NDUFAF6: variants seen among roughly 807,000 people sequenced by gnomAD.
NDUFAF6 encodes the protein NADH dehydrogenase (ubiquinone) complex I, assembly factor 6.
Under a neutral mutation model 40.8 loss-of-function variants are expected in NDUFAF6, and 45 were observed. The ratio of observed to expected loss-of-function variants is 1.10; its 90% CI spans 0.87 to 1.42. The LOEUF is 1.42. Ranked by LOEUF, NDUFAF6 falls within the 40% of genes most tolerant of loss-of-function variation. NDUFAF6 has a pLI of 0.00. For missense variants in NDUFAF6, 435 were observed against 418.5 expected, an observed-to-expected ratio of 1.04 and a Z score of -0.34; for synonymous variants, 185 against 155.9, an observed-to-expected ratio of 1.19 and a Z score of -1.39.
At chr8:95,031,005 T>C (rs770110667) in intron 1 of NDUFAF6, among the ~76,000 whole-genome samples, 1 of 152,180 alleles carries the variant, frequency 6.6e-6, no homozygotes, top group Non-Finnish European at 1.5e-5. Context: ...ATACACTCAC[T>C]TATCCCCAAG....
chr8:94,996,743 G>T (rs907175547), intron 2 of NDUFAF6, among the ~76,000 whole-genome samples: 14 of 152,140 alleles, frequency 9.2e-5, no homozygotes, highest in African/African-American at 3.1e-4. Context: ...CTTCATAGAG[G>T]TAAGTAAGCT....
chr8:95,044,577 C>T (rs2599713), intron 4 of NDUFAF6: 114,162 of 151,406 alleles, frequency 0.75, 43,583 homozygotes, highest in East Asian at 0.94. Context: ...CTCAGCTTCC[C>T]GAGTAGCTGG....
rs181695581 is a variant in NDUFAF6, at chr8:94,991,560, A to G, written c.-84+10587A>G. Among the ~76,000 whole-genome samples, 275 of 152,334 alleles carry G rather than the reference A, an allele frequency of 1.8e-3. No individual in the cohort carries two copies. In the Middle Eastern group the frequency reaches 0.02, roughly 11 times the overall value. On this transcript the variant is annotated intron_variant, in intron 2 of 9. Coordinates refer to the NDUFAF6 transcript ENST00000396111. The stretch of plus-strand genomic sequence containing the variant: ...AATCAGCTTATGTATGTAAATGAGA[A>G]CATAATCTAGAATAATCCCATACCT...
At chr8:95,071,581 C>T (rs1232065055) in intron 9 of NDUFAF6, among the ~76,000 whole-genome samples, 1 of 152,130 alleles carries the variant, frequency 6.6e-6, no homozygotes, top group Admixed American at 6.5e-5. Flanking sequence ...TTGCAGCTTC[C>T]CTGAGGGCTT....
intron 1 of NDUFAF6, chr8:94,930,383 T>C (rs957968524): frequency 1.1e-5 from 16 of 1,501,606 alleles, no homozygotes; most frequent in South Asian, 3.9e-5. Context: ...TGGTTATCAA[T>C]TGGTTGTAAA....
chr8:95,083,755 T>C (rs910741181), intron 2 of NDUFAF6, among the ~76,000 whole-genome samples: 1 of 152,224 alleles, frequency 6.6e-6, no homozygotes, highest in African/African-American at 2.4e-5. Flanking sequence ...TCATAGGTGG[T>C]ATTTCTAAAT....
chr8:94,999,628 G>T (rs565787927), intron 2 of NDUFAF6, among the ~76,000 whole-genome samples: 3 of 150,452 alleles, frequency 2.0e-5, no homozygotes, highest in Non-Finnish European at 4.4e-5. Flanking sequence ...TGTTGGCCAG[G>T]CTGGTCTCGA....
chr8:94,915,416 C>T (rs1819064708), intron 1 of NDUFAF6, among the ~76,000 whole-genome samples: 1 of 152,154 alleles, frequency 6.6e-6, no homozygotes, highest in East Asian at 1.9e-4. Context: ...TTTGTTATGG[C>T]TGTGTAGTGT....
In NDUFAF6 at chr8:94,998,039, TCTC is replaced by T. The variant is rs567846049; in HGVS notation, c.-84+17069_-84+17071del. 1.0e-3 allele frequency among the ~76,000 whole-genome samples: 153 copies of T among 152,290 alleles called. 1 individual carries two copies. The Middle Eastern group carries it at 0.014, about 14-fold the overall frequency. ...CTCTTGAGTTAGAGGGAATGCATCT[TCTC>T]CTTCTTGCTCTCAATCGGAGAAAGA... On this transcript the variant is annotated intron_variant, in intron 2 of 9. Coordinates refer to the NDUFAF6 transcript ENST00000396111.
At position 95,069,663 on chromosome 8, in the gene NDUFAF6, C is replaced by T. The variant is rs1832787373; in HGVS notation, c.*512-5970C>T. On this transcript the variant is annotated intron_variant and NMD_transcript_variant, in intron 9 of 9. Coordinates refer to the NDUFAF6 transcript ENST00000520757. ...GGCATGGTGATGGGCGCCTATAATC[C>T]CAGCTACTCGGGAGGCTGAGTCATG... 2.0e-5 allele frequency among the ~76,000 whole-genome samples: 3 copies of T among 150,380 alleles called. No individual in the cohort carries two copies. The South Asian group carries it at 6.3e-4, about 32-fold the overall frequency.
intron 4 of NDUFAF6, among the ~76,000 whole-genome samples, chr8:95,043,354 G>C (rs1345432361): frequency 1.3e-5 from 2 of 151,952 alleles, no homozygotes; most frequent in Non-Finnish European, 2.9e-5. Flanking sequence ...CTCCCGAAGT[G>C]CTGGGATTAC....
At chr8:94,905,730 C>T (rs4735331) in intron 1 of NDUFAF6, among the ~76,000 whole-genome samples, 93,115 of 152,008 alleles carry the variant, frequency 0.61, 29,436 homozygotes, top group East Asian at 0.79. Flanking sequence ...TGGTCCTGCT[C>T]ATAGTGGTTC....
chr8:95,014,459 A>G (rs1827357486), intron 2 of NDUFAF6, among the ~76,000 whole-genome samples: 1 of 152,174 alleles, frequency 6.6e-6, no homozygotes, highest in Non-Finnish European at 1.5e-5. Context: ...CCATGTTGTG[A>G]CCTGTGGCCA....
At chr8:94,971,404 TGCCTCTGCCCA>T (rs1448069558) in intron 1 of NDUFAF6, among the ~76,000 whole-genome samples, 3 of 152,180 alleles carry the variant, frequency 2.0e-5, no homozygotes, top group Non-Finnish European at 4.4e-5. Context: ...GGTGTAACAG[TGCCTCTGCCCA>T]GCCTCTGCTC....
Position 95,070,002 on chromosome 8 carries a change from G to A in NDUFAF6, c.*512-5631G>A, listed in dbSNP as rs180862610. Among the ~76,000 whole-genome samples the A allele has an allele frequency of 3.3e-3, 507 of 151,648 alleles. 4 individuals carry two copies. Among genetic ancestry groups the A allele is most frequent in the African/African-American group, 0.011 (466 of 41,180 alleles). On this transcript the variant is annotated intron_variant and NMD_transcript_variant, in intron 9 of 9. Transcript: ENST00000520757. ...ACCAATCTGGACTTCCATTATTCAT[G>A]ACTCCAGGAGCTCCTTCACTCATGA...
At chr8:95,079,785 G>T (rs560542861), downstream of NDUFAF6, among the ~76,000 whole-genome samples, 1 of 151,702 alleles carries the variant, frequency 6.6e-6, no homozygotes, top group Admixed American at 6.6e-5. Flanking sequence ...TGCAATCTCG[G>T]CCCATTGCAA....
intron 4 of NDUFAF6, among the ~76,000 whole-genome samples, chr8:95,044,866 T>C (rs1830556884): frequency 6.6e-6 from 1 of 152,160 alleles, no homozygotes; most frequent in Non-Finnish European, 1.5e-5. Flanking sequence ...TAATAGTCTT[T>C]GTAAAAGTGG....
downstream of NDUFAF6, among the ~76,000 whole-genome samples, chr8:95,062,701 C>T (rs765959660): frequency 1.6e-4 from 24 of 152,232 alleles, no homozygotes; most frequent in Non-Finnish European, 3.1e-4. Context: ...GCCATGCTTT[C>T]TCCCAAAATG....
chr8:95,034,685 G>A (rs1255841329), intron 2 of NDUFAF6: 1 of 152,352 alleles, frequency 6.6e-6, no homozygotes, highest in African/African-American at 2.4e-5. Context: ...CCTCTTCAGA[G>A]TCAGAAGGAG....
Sources: gnomAD v4.1 joint callset for allele counts (sites outside exome capture counted in the v4.1 genomes callset) on GRCh38, gnomAD v4.1.1 for gene constraint, MANE v1.5 for transcripts, NCBI Gene and HGNC (gene_info 2026-07-23, HGNC 2026-07-21) for gene names.